Variants in PCBP3 observed in about 807,000 individuals in gnomAD.
PCBP3 encodes the protein poly(rC) binding protein 3, also known as poly(rC)-binding protein 3.
A neutral mutation model predicts 52.7 loss-of-function variants in PCBP3; 25 were observed. That is an observed-to-expected ratio of 0.47 (90% confidence interval 0.35 to 0.66). PCBP3 has a LOEUF of 0.66. Ranked by LOEUF, PCBP3 falls within the 30% of genes least tolerant of loss-of-function variation. The pLI, the probability that PCBP3 is intolerant of heterozygous loss-of-function variation, is 0.01. For missense variants in PCBP3, 391 were observed against 490.3 expected, an observed-to-expected ratio of 0.80 and a Z score of 1.91; for synonymous variants, 162 against 183.0, an observed-to-expected ratio of 0.89 and a Z score of 0.93.
At chr21:45,779,353 G>A (rs1373345750) in intron 4 of PCBP3, among the ~76,000 whole-genome samples, 1 of 152,162 alleles carries the variant, frequency 6.6e-6, no homozygotes, top group African/African-American at 2.4e-5. Flanking sequence ...TGGGCCACTG[G>A]AAGTTTCTCA....
intron 12 of PCBP3, chr21:45,914,713 C>T (rs933188527): frequency 1.3e-5 from 2 of 152,414 alleles, no homozygotes; most frequent in African/African-American, 4.8e-5. Flanking sequence ...AAACCCTGGC[C>T]AGGGCACAGG....
intron 5 of PCBP3, among the ~76,000 whole-genome samples, chr21:45,865,177 A>G (rs1344646810): frequency 6.6e-6 from 1 of 152,204 alleles, no homozygotes; most frequent in East Asian, 1.9e-4. Context: ...GCAGTTTTTA[A>G]CATTATCTCC....
intron 4 of PCBP3, among the ~76,000 whole-genome samples, chr21:45,841,702 C>T (rs2093702732): frequency 6.6e-6 from 1 of 151,976 alleles, no homozygotes; most frequent in Admixed American, 6.6e-5. Flanking sequence ...TCTTTGTGTC[C>T]CATTTTTAAA....
chr21:45,901,371 C>A (rs982899763), intron 9 of PCBP3: 2 of 432,372 alleles, frequency 4.6e-6, no homozygotes, highest in African/African-American at 4.0e-5. Context: ...CCTCAGCTTC[C>A]CCAGACCCTG....
chr21:45,768,422 T>C (rs2089561913), intron 4 of PCBP3, among the ~76,000 whole-genome samples: 1 of 152,180 alleles, frequency 6.6e-6, no homozygotes, highest in Non-Finnish European at 1.5e-5. Context: ...CTGGCAGAAT[T>C]CTTGTTACTG....
chr21:45,930,929 C>T, intron 15 of PCBP3, 84 bp downstream of exon 15: 1 of 1,574,700 alleles, frequency 6.4e-7, no homozygotes, highest in Non-Finnish European at 8.6e-7. Flanking sequence ...GGCCCTGCCG[C>T]TGCAGCAGTT....
chr21:45,781,731 A>G lies in PCBP3; in HGVS notation c.-126+26279A>G, dbSNP rs151304658. On this transcript the variant is annotated intron_variant, in intron 4 of 17. Coordinates refer to ENST00000681687, the MANE Select transcript of PCBP3 (RefSeq NM_001384156.1). ...AATGTCTATCCATACTTGAATGGCT[A>G]TACAAATTGTTGTACATCTATATAA... 2.1e-4 allele frequency among the ~76,000 whole-genome samples: 32 copies of G among 152,354 alleles called. 1 individual carries two copies. In the East Asian group the frequency reaches 5.2e-3, roughly 25 times the overall value.
At position 45,880,016 on chromosome 21, in the gene PCBP3, C is replaced by T. The variant is rs906049949; in HGVS notation, c.11-16192C>T. On this transcript the variant is annotated intron_variant, in intron 5 of 17. Coordinates refer to ENST00000681687, the MANE Select transcript of PCBP3 (RefSeq NM_001384156.1). This position sits in a 1 kb window ranked among gnomAD's most constrained non-coding sequence, Gnocchi z 5.4. The stretch of plus-strand genomic sequence containing the variant: ...AGTTCAAATAAAGGAAGGACAGAAA[C>T]AATCATGGGTTTCAAGAGCTTGCAA... 6.6e-6 allele frequency among the ~76,000 whole-genome samples: 1 copy of T among 152,114 alleles called. No homozygotes were observed. The highest frequency in any genetic ancestry group is 1.5e-5 in the Non-Finnish European group (1 of 68,036).
intron 16 of PCBP3, among the ~76,000 whole-genome samples, chr21:45,935,878 G>T (rs187875393): frequency 6.6e-6 from 1 of 152,238 alleles, no homozygotes; most frequent in Non-Finnish European, 1.5e-5. Context: ...GAGTAAGCAC[G>T]GGTCTTGAGG....
chr21:45,740,300 G>A (rs757870410), intron 3 of PCBP3, among the ~76,000 whole-genome samples: 14 of 152,234 alleles, frequency 9.2e-5, no homozygotes, highest in Middle Eastern at 3.4e-3. Flanking sequence ...ATCTCTCTGC[G>A]TGCCCGCCTC....
chr21:45,913,911 G>C, intron 11 of PCBP3, 40 bp from the exon 12 acceptor site: 1 of 1,577,732 alleles, frequency 6.3e-7, no homozygotes, highest in Non-Finnish European at 8.6e-7. Context: ...CTGCGAAGCT[G>C]CTCTAACGCT....
At chr21:45,927,241 A>C in intron 13 of PCBP3, among the ~76,000 whole-genome samples, 1 of 66,618 alleles carries the variant, frequency 1.5e-5, no homozygotes, top group East Asian at 5.2e-4. Flanking sequence ...AACATCAGTA[A>C]TGGGATACAT....
chr21:45,761,085 A>G (rs1485897628), intron 4 of PCBP3: 1 of 152,270 alleles, frequency 6.6e-6, no homozygotes, highest in East Asian at 1.9e-4. Flanking sequence ...TCAAAAAAAA[A>G]AAAAAAGTTC....
At chr21:45,694,309 A>G (rs1272181203) in intron 2 of PCBP3, among the ~76,000 whole-genome samples, 2 of 152,170 alleles carry the variant, frequency 1.3e-5, no homozygotes, top group Non-Finnish European at 2.9e-5. Flanking sequence ...TAGAATAAAA[A>G]CTATGTTTTG....
intron 4 of PCBP3, among the ~76,000 whole-genome samples, chr21:45,836,031 G>A (rs2093578959): frequency 6.6e-6 from 1 of 152,160 alleles, no homozygotes; most frequent in Non-Finnish European, 1.5e-5. Flanking sequence ...TTGATCACCA[G>A]AGGGGCAACG....
intron 16 of PCBP3, among the ~76,000 whole-genome samples, chr21:45,936,451 C>T (rs886439734): frequency 1.3e-5 from 2 of 152,222 alleles, no homozygotes; most frequent in African/African-American, 4.8e-5. Flanking sequence ...TGTGGTCCAG[C>T]CTTCTGGCAT....
At chr21:45,743,479 T>G (rs2086599250) in intron 3 of PCBP3, among the ~76,000 whole-genome samples, 2 of 152,250 alleles carry the variant, frequency 1.3e-5, no homozygotes, top group Non-Finnish European at 2.9e-5. Context: ...TAGGTGGTTG[T>G]ATGATTCCTG....
chr21:45,888,209 GTT>G (rs1205696364), intron 5 of PCBP3, among the ~76,000 whole-genome samples: 1 of 152,214 alleles, frequency 6.6e-6, no homozygotes, highest in African/African-American at 2.4e-5. Flanking sequence ...AGTGTCACCT[GTT>G]TCTGTTACTG....
intron 6 of PCBP3, among the ~76,000 whole-genome samples, 184 bp from the exon 7 acceptor site, chr21:45,899,415 C>G (rs2095961114): frequency 1.3e-5 from 2 of 152,068 alleles, no homozygotes; most frequent in South Asian, 4.1e-4. Flanking sequence ...GTATGGGCAG[C>G]CTGGCTTGTA....
Sources: allele counts gnomAD v4.1 joint callset (sites outside exome capture counted in the v4.1 genomes callset), GRCh38; gene constraint gnomAD v4.1.1; non-coding constraint Gnocchi (gnomAD v3.1); transcripts MANE v1.5; gene names NCBI Gene and HGNC (gene_info 2026-07-23, HGNC 2026-07-21).